MIS18A: variants seen among roughly 807,000 people sequenced by gnomAD.
The protein encoded by MIS18A is MIS18 kinetochore protein A.
MIS18A carries 14 observed loss-of-function variants against 25.0 expected under a neutral mutation model. The ratio of observed to expected loss-of-function variants is 0.56; its 90% CI spans 0.37 to 0.88. The LOEUF is 0.88. MIS18A is among the 40% of genes least tolerant of loss of function. MIS18A has a pLI of 0.00. For missense variants in MIS18A, 292 were observed against 290.8 expected, an observed-to-expected ratio of 1.00 and a Z score of -0.03; for synonymous variants, 134 against 118.6, an observed-to-expected ratio of 1.13 and a Z score of -0.84.
At chr21:32,166,235 A>G in the MIS18A span, among the ~76,000 whole-genome samples, 2 of 152,242 alleles carry the variant, frequency 1.3e-5, no homozygotes, top group African/African-American at 4.8e-5. Context: ...ATGAAGTTCA[A>G]TGTAGGCAAA....
chr21:32,277,207 AACT>A (rs1237699756), intron 1 of MIS18A, among the ~76,000 whole-genome samples: 6 of 152,204 alleles, frequency 3.9e-5, no homozygotes, highest in African/African-American at 1.4e-4. Flanking sequence ...TTAAATTTTA[AACT>A]ACTATTTTAG....
Position 32,278,764 on chromosome 21 carries a change from A to T in MIS18A, c.251T>A (p.Leu84Gln). 1.9e-6 allele frequency: 3 copies of T among 1,579,604 alleles called. No homozygotes were observed. The highest frequency in any genetic ancestry group is 2.6e-6 in the Non-Finnish European group (3 of 1,168,404). The part of the protein sequence containing the change: ...AAAEERPLVF[L>Q]CSGCRRPLGD... ...CAGCGGCCGCCGGCAGCCGGAGCAC[A>T]GGAACACCAGCGGCCTCTCCTCCGC... The change falls in exon 1 of 5, where the codon CTG becomes CAG. Residue 84 changes from leucine to glutamine, a missense_variant. Physicochemically the swap from Leu to Gln is moderately radical, Grantham distance 113. Transcript: ENST00000290130.
the MIS18A span, among the ~76,000 whole-genome samples, chr21:32,176,055 C>T: frequency 6.6e-6 from 1 of 152,268 alleles, no homozygotes; most frequent in East Asian, 1.9e-4. Context: ...ATGCATGGAG[C>T]TGTCTATGAT....
At chr21:32,171,208 T>C in the MIS18A span, among the ~76,000 whole-genome samples, 2 of 152,046 alleles carry the variant, frequency 1.3e-5, no homozygotes, top group Non-Finnish European at 2.9e-5. Context: ...CATTAGCAGA[T>C]GGTATGATCT....
At chr21:32,254,391 T>C in the MIS18A span, among the ~76,000 whole-genome samples, 1 of 151,608 alleles carries the variant, frequency 6.6e-6, no homozygotes, top group African/African-American at 2.4e-5. Flanking sequence ...ATTAGCCAGG[T>C]GTGGTGGCAG....
At chr21:32,234,099 C>T in the MIS18A span, among the ~76,000 whole-genome samples, 370 of 152,264 alleles carry the variant, frequency 2.4e-3, 1 homozygote, top group African/African-American at 8.5e-3. Context: ...TGTCAACATC[C>T]GTTCATTATT....
At chr21:32,267,814 C>T (rs997301874), downstream of MIS18A, among the ~76,000 whole-genome samples, 34 of 152,194 alleles carry the variant, frequency 2.2e-4, no homozygotes, top group South Asian at 6.2e-4. Context: ...CGGGTGTTGA[C>T]GTTTGCTTCC....
the MIS18A span, among the ~76,000 whole-genome samples, chr21:32,258,285 T>A: frequency 1.1e-4 from 16 of 152,278 alleles, no homozygotes; most frequent in Admixed American, 2.0e-4. Context: ...CAAGTGTAGA[T>A]GTAAGCAATT....
the MIS18A span, among the ~76,000 whole-genome samples, chr21:32,166,420 A>G: frequency 6.6e-6 from 1 of 152,204 alleles, no homozygotes; most frequent in Non-Finnish European, 1.5e-5. Context: ...GAAATGTTTG[A>G]TTCTAGGGCT....
chr21:32,178,994 G>A, the MIS18A span, among the ~76,000 whole-genome samples: 1 of 151,824 alleles, frequency 6.6e-6, no homozygotes, highest in Non-Finnish European at 1.5e-5. Context: ...CTAATCCCAA[G>A]TATTATATTG....
the MIS18A span, among the ~76,000 whole-genome samples, chr21:32,169,195 C>T: frequency 6.7e-5 from 10 of 149,596 alleles, no homozygotes; most frequent in East Asian, 1.2e-3. Flanking sequence ...CTCACAAGCA[C>T]GGCAGCTGTG....
chr21:32,189,475 C>T, the MIS18A span, among the ~76,000 whole-genome samples: 1 of 152,092 alleles, frequency 6.6e-6, no homozygotes, highest in African/African-American at 2.4e-5. Context: ...GAAGGGGTTT[C>T]GCCATGTTGC....
chr21:32,192,275 C>A, the MIS18A span, among the ~76,000 whole-genome samples: 1 of 152,156 alleles, frequency 6.6e-6, no homozygotes, highest in African/African-American at 2.4e-5. Flanking sequence ...TCACAGGGAC[C>A]CTCACACCAG....
the MIS18A span, among the ~76,000 whole-genome samples, chr21:32,190,329 CA>C: frequency 1.3e-5 from 2 of 152,116 alleles, no homozygotes; most frequent in Non-Finnish European, 2.9e-5. Context: ...CTCTGTTCTA[CA>C]GAGAAAAATG....
At chr21:32,156,634 C>CTA in the MIS18A span, 1 of 151,386 alleles carries the variant, frequency 6.6e-6, no homozygotes, top group Admixed American at 6.6e-5. Context: ...TTCTATTAAC[C>CTA]TATATATTTT....
At chr21:32,180,581 C>T in the MIS18A span, among the ~76,000 whole-genome samples, 1 of 152,176 alleles carries the variant, frequency 6.6e-6, no homozygotes, top group Non-Finnish European at 1.5e-5. Flanking sequence ...AGGAAAAATG[C>T]CAATGAGTGA....
In MIS18A at chr21:32,268,940, CT is replaced by C. The variant is rs377622439; in HGVS notation, c.*96del. 0.027 allele frequency: 14,544 copies of C among 531,714 alleles called. No homozygotes were observed. Among genetic ancestry groups the C allele is most frequent in the Non-Finnish European group, 0.031 (10,680 of 346,396 alleles). 32.9% of individuals were successfully genotyped at this position (531,714 alleles called of 1,614,324 possible). A position where few individuals can be genotyped will look rare whatever the true frequency, so the allele number is the denominator to read the frequency against. On this transcript the variant is annotated 3_prime_UTR_variant, in exon 5 of 5. Transcript: ENST00000290130. ...CGCATGCCTGGCTAATTTTTTTTTT[CT>C]TTTTTTTTTTGTAGAGACGACGTCT...
At chr21:32,278,362 T>G in intron 1 of MIS18A, 111 of 348,662 alleles carry the variant, frequency 3.2e-4, no homozygotes, top group East Asian at 7.7e-4. Flanking sequence ...TAGTTGACCA[T>G]TTGTTTCTCT....
chr21:32,159,468 T>G, the MIS18A span, among the ~76,000 whole-genome samples: 1 of 152,218 alleles, frequency 6.6e-6, no homozygotes, highest in East Asian at 1.9e-4. Flanking sequence ...CAGGCAAAAA[T>G]CATTTTGTCT....
Sources: allele counts gnomAD v4.1 joint callset (sites outside exome capture counted in the v4.1 genomes callset), GRCh38; gene constraint gnomAD v4.1.1; transcripts MANE v1.5; gene names NCBI Gene and HGNC (gene_info 2026-07-23, HGNC 2026-07-21).